Variants in SV2C observed in about 807,000 individuals in gnomAD.
The protein encoded by SV2C is solute carrier family 22 member B3.
Under a neutral mutation model 79.7 loss-of-function variants are expected in SV2C, and 49 were observed. The ratio of observed to expected loss-of-function variants is 0.61; its 90% confidence interval spans 0.49 to 0.78. The LOEUF (loss-of-function observed/expected upper bound fraction) is 0.78, where lower values mean the gene tolerates loss of function less well. Among genes scored for constraint, SV2C ranks in the 30% least tolerant of loss-of-function variants. The pLI, the probability that SV2C is intolerant of heterozygous loss-of-function variation, is 0.00. For missense variants in SV2C, 833 were observed against 912.9 expected, an observed-to-expected ratio of 0.91 and a Z score of 1.13; for synonymous variants, 334 against 333.2, an observed-to-expected ratio of 1.00 and a Z score of -0.03.
Position 76,299,275 on chromosome 5 carries a change from C to T in SV2C, c.1636+348C>T, listed in dbSNP as rs574285091. Among the ~76,000 whole-genome samples, 8 of 152,220 alleles carry T rather than the reference C, an allele frequency of 5.3e-5. No individual in the cohort carries two copies. In the South Asian group the frequency reaches 1.5e-3, roughly 28 times the overall value. ...TTAAATGCCTCAACTCTATAGCCAA[C>T]AGAGATAGACAACATGTGGCTATGC... is the stretch of plus-strand genomic sequence containing the variant. On this transcript the variant is annotated intron_variant, in intron 10 of 12. Transcript: ENST00000502798.
intron 2 of SV2C, among the ~76,000 whole-genome samples, chr5:76,177,008 G>C (rs920912300): frequency 6.6e-6 from 1 of 151,476 alleles, no homozygotes; most frequent in Non-Finnish European, 1.5e-5. Flanking sequence ...CCAGCTACTC[G>C]GGAGGCTGAG....
chr5:76,178,345 A>G (rs923803233), intron 2 of SV2C, among the ~76,000 whole-genome samples: 1 of 152,258 alleles, frequency 6.6e-6, no homozygotes, highest in Non-Finnish European at 1.5e-5. Flanking sequence ...ACATGCACAC[A>G]GGAGACATCT....
chr5:75,945,885 AAAG>A, the SV2C span, among the ~76,000 whole-genome samples: 2 of 152,118 alleles, frequency 1.3e-5, no homozygotes, highest in Non-Finnish European at 2.9e-5. Context: ...ATAAAGCAAA[AAAG>A]AAAACAAAAC....
chr5:76,147,662 A>C (rs1186330067), intron 2 of SV2C, among the ~76,000 whole-genome samples: 1 of 152,226 alleles, frequency 6.6e-6, no homozygotes, highest in Non-Finnish European at 1.5e-5. Context: ...TATGCAACCT[A>C]AAACATTCTG....
the SV2C span, among the ~76,000 whole-genome samples, chr5:75,949,949 G>A: frequency 3.9e-5 from 6 of 152,170 alleles, no homozygotes; most frequent in East Asian, 1.2e-3. Flanking sequence ...GAAAAACGGG[G>A]AGTTAAGGAT....
At chr5:76,190,722 C>CT (rs1744073983) in intron 2 of SV2C, among the ~76,000 whole-genome samples, 1 of 152,138 alleles carries the variant, frequency 6.6e-6, no homozygotes. Flanking sequence ...GTGGAAGAAA[C>CT]TCTACCTTTG....
intron 2 of SV2C, among the ~76,000 whole-genome samples, chr5:76,148,860 G>A (rs1030079952): frequency 3.9e-5 from 6 of 152,126 alleles, no homozygotes; most frequent in Non-Finnish European, 8.8e-5. Context: ...GAGGGTTCAG[G>A]TCACATCTAG....
the SV2C span, among the ~76,000 whole-genome samples, chr5:75,900,190 A>C: frequency 1.5e-4 from 23 of 152,230 alleles, no homozygotes; most frequent in African/African-American, 5.1e-4. Context: ...ATGATTTTGC[A>C]GTGGCTGGTA....
intron 12 of SV2C, chr5:76,352,995 G>A (rs746016925): frequency 1.9e-5 from 6 of 307,700 alleles, no homozygotes; most frequent in Admixed American, 3.9e-5. Context: ...AGGCTAGAGT[G>A]CAATAGTGAC....
chr5:76,018,648 G>T, the SV2C span, among the ~76,000 whole-genome samples: 1 of 152,072 alleles, frequency 6.6e-6, no homozygotes, highest in East Asian at 1.9e-4. Flanking sequence ...ATGTATCAAT[G>T]GTAATAGGAT....
At chr5:76,146,111 T>C (rs533429805) in intron 2 of SV2C, among the ~76,000 whole-genome samples, 1 of 152,282 alleles carries the variant, frequency 6.6e-6, no homozygotes, top group African/African-American at 2.4e-5. Context: ...AGCTGAAGTG[T>C]CATGAAGCTA....
chr5:75,930,534 T>C, the SV2C span, among the ~76,000 whole-genome samples: 22 of 152,328 alleles, frequency 1.4e-4, 1 homozygote, highest in South Asian at 1.9e-3. Context: ...GTGTCTGTGA[T>C]GACTGGAACA....
chr5:76,122,977 A>G (rs1580284034), intron 1 of SV2C, among the ~76,000 whole-genome samples: 2 of 152,318 alleles, frequency 1.3e-5, no homozygotes, highest in South Asian at 4.1e-4. Context: ...CGCTAGCAAG[A>G]CCAATAAAGA....
the SV2C span, among the ~76,000 whole-genome samples, chr5:75,947,303 T>C: frequency 1.3e-5 from 2 of 152,068 alleles, no homozygotes; most frequent in Admixed American, 1.3e-4. Flanking sequence ...ATTATGTCTT[T>C]GGAGGTTGTT....
At chr5:76,061,099 C>T in the SV2C span, among the ~76,000 whole-genome samples, 2 of 151,524 alleles carry the variant, frequency 1.3e-5, no homozygotes, top group Admixed American at 6.6e-5. Flanking sequence ...ATAGTAACAT[C>T]GAAGATCACT....
the SV2C span, among the ~76,000 whole-genome samples, chr5:75,990,595 G>A: frequency 6.6e-6 from 1 of 151,912 alleles, no homozygotes; most frequent in Non-Finnish European, 1.5e-5. Context: ...AGTGTGAAGG[G>A]GAAGGACTAG....
At chr5:76,097,941 G>A (rs926372426) in intron 1 of SV2C, among the ~76,000 whole-genome samples, 2 of 152,232 alleles carry the variant, frequency 1.3e-5, no homozygotes, top group Non-Finnish European at 2.9e-5. Flanking sequence ...ATGTGCAAGC[G>A]TTTACCATAA....
rs1255936669 is a variant in SV2C, at chr5:76,084,086, A to G, written c.-102+574A>G. On this transcript the variant is annotated intron_variant, in intron 1 of 12. Coordinates refer to ENST00000502798, the MANE Select transcript of SV2C (RefSeq NM_014979.4). ...TGAATTTTCAAACTCTCCCACATAC[A>G]TTCCCGAAGCGCCTGTCTGGCGTCT... 2.0e-5 allele frequency: 3 copies of G among 152,422 alleles called. No homozygotes were observed. The East Asian group carries it at 5.8e-4, about 29-fold the overall frequency. The allele number at this position is 152,422 out of a possible 1,614,324, so 9.4% of individuals were successfully genotyped here. A position where few individuals can be genotyped will look rare whatever the true frequency, so the allele number is the denominator to read the frequency against.
chr5:75,898,764 C>G, the SV2C span, among the ~76,000 whole-genome samples: 1 of 152,120 alleles, frequency 6.6e-6, no homozygotes, highest in Non-Finnish European at 1.5e-5. Context: ...TTGGTCTATT[C>G]AGAGATTCAA....
Sources: gnomAD v4.1 joint callset for allele counts (sites outside exome capture counted in the v4.1 genomes callset) on GRCh38, gnomAD v4.1.1 for gene constraint, MANE v1.5 for transcripts, NCBI Gene and HGNC (gene_info 2026-07-23, HGNC 2026-07-21) for gene names.